The following DNAH1 variants were observed in gnomAD, a reference collection of about 807,000 sequenced individuals.
DNAH1 encodes the protein axonemal beta dynein heavy chain 1.
In DNAH1, 327 loss-of-function variants were observed where a neutral mutation model predicts 484.3. The ratio of observed to expected loss-of-function variants is 0.68; its 90% CI spans 0.62 to 0.74. The LOEUF (loss-of-function observed/expected upper bound fraction) is 0.74, where lower values mean the gene tolerates loss of function less well. DNAH1 is among the 30% of genes least tolerant of loss of function. The pLI is 0.00. For missense variants in DNAH1, 5,052 were observed against 5,546.8 expected, an observed-to-expected ratio of 0.91 and a Z score of 2.83; for synonymous variants, 2,192 against 2,191.9, an observed-to-expected ratio of 1.00 and a Z score of 0.00.
Position 52,399,599 on chromosome 3 carries a change from A to G in DNAH1, c.12496A>G (p.Ile4166Val). Residue 4166 changes from isoleucine (I) to valine (V), a missense_variant, in exon 77 of 78, where the codon ATC becomes GTC. Ile to Val is a conservative substitution (Grantham distance 29). Around this residue, in one of 4 missense-constraint regions of DNAH1, gnomAD observed 853 missense variants for 899.0 expected, o/e 0.95. Coordinates refer to ENST00000420323, the MANE Select transcript of DNAH1 (RefSeq NM_015512.5). ...LTQRPQVGCYIHGLFLEGARW... is the reference protein window; with the variant it reads ...LTQRPQVGCYVHGLFLEGARW... ...ACAAAGACCCCAAGTAGGGTGCTAT[A>G]TCCATGGATTATTCCTGGAAGGTGC... 1 of 1,613,950 alleles carries G rather than the reference A, an allele frequency of 6.2e-7. No individual in the cohort carries two copies. The highest frequency in any genetic ancestry group is 8.5e-7 in the Non-Finnish European group (1 of 1,179,870).
chr3:52,391,698 T>C, intron 63 of DNAH1, 95 bp downstream of exon 63: 1 of 1,442,822 alleles, frequency 6.9e-7, no homozygotes, highest in Non-Finnish European at 9.5e-7. Flanking sequence ...TCAGTGGGAC[T>C]TTCCCCCACT....
At position 52,372,950 on chromosome 3, in the gene DNAH1, T is replaced by TCAG; in HGVS notation, c.6882_6883insCAG (p.Asp2294_Asp2295insGln). On this transcript the variant is annotated inframe_insertion, in exon 44 of 78. Transcript: ENST00000420323. ...GGCGCAACTTTATCTTCTTCATCGATGACCTGAACATGCCGGCCCTGGAGA... is the reference window on the plus strand; with the variant it reads ...GGCGCAACTTTATCTTCTTCATCGATCAGGACCTGAACATGCCGGCCCTGGAGA... 6.2e-6 allele frequency: 10 copies of TCAG among 1,613,828 alleles called. No homozygotes were observed. Among genetic ancestry groups the TCAG allele is most frequent in the Non-Finnish European group, 8.5e-6 (10 of 1,179,844 alleles).
chr3:52,372,145 C>A, intron 42 of DNAH1, 59 bp downstream of exon 42: 1 of 1,609,582 alleles, frequency 6.2e-7, no homozygotes, highest in Non-Finnish European at 8.5e-7. Flanking sequence ...GGGGGTTGAC[C>A]AGCCTCCCAC....
rs751290836 is a variant in DNAH1 at position 52,361,811 on chromosome 3, C to CA, written c.4980+46dup. The CA allele has an allele frequency of 9.7e-6, 15 of 1,544,132 alleles. No homozygotes were observed. In the African/African-American group the frequency reaches 2.0e-4, roughly 21 times the overall value. ...CTTACTCCCTCAGATCTGCCATACT[C>CA]ACGCCGCCATACTGCTCCCCATTGC... On this transcript the variant is annotated intron_variant, in intron 30 of 77. Transcript: ENST00000420323. This position sits in a 1 kb window ranked among gnomAD's most constrained non-coding sequence, Gnocchi z 5.6.
At chr3:52,350,378 C>T (rs528608731) in intron 15 of DNAH1, 130 bp from the exon 16 acceptor site, 34 of 1,006,214 alleles carry the variant, frequency 3.4e-5, no homozygotes, top group Non-Finnish European at 4.7e-5. Flanking sequence ...GGGCCTCCTC[C>T]CCTGGCCCAG....
In DNAH1 at chr3:52,371,802, G is replaced by A. The variant is rs909089938; in HGVS notation, c.6526-144G>A. On this transcript the variant is annotated intron_variant, in intron 41 of 77. Transcript: ENST00000420323. ...GCAGGGCACAGGACTTTCCATTTCCGCCGGAAGCAGCCCTGCACCTGGACC... is the reference window on the plus strand; with the variant it reads ...GCAGGGCACAGGACTTTCCATTTCCACCGGAAGCAGCCCTGCACCTGGACC... 1.2e-5 allele frequency: 15 copies of A among 1,217,016 alleles called. 1 individual carries two copies. In the South Asian group the frequency reaches 1.8e-4, roughly 14 times the overall value. 75.4% of individuals were successfully genotyped at this position (1,217,016 alleles called of 1,614,324 possible).
chr3:52,328,632 C>T (rs763146073), intron 6 of DNAH1, among the ~76,000 whole-genome samples: 2 of 152,274 alleles, frequency 1.3e-5, no homozygotes, highest in Non-Finnish European at 1.5e-5. Flanking sequence ...AATAATCTGC[C>T]CAGGGAGTGC....
intron 60 of DNAH1, among the ~76,000 whole-genome samples, chr3:52,390,018 G>C (rs1299252741): frequency 6.6e-6 from 1 of 152,246 alleles, no homozygotes; most frequent in Non-Finnish European, 1.5e-5. Context: ...TACTCAGGAG[G>C]CTGAGGCAGG....
chr3:52,368,267 A>G lies in DNAH1; in HGVS notation c.5766-474A>G, dbSNP rs1703165527. On this transcript the variant is annotated intron_variant, in intron 36 of 77. Transcript: ENST00000420323. The surrounding 1 kb of genome is among the most constrained non-coding windows in gnomAD (Gnocchi z 4.4). ...CGTGCATATATGGGCACCTAGGAGAAGGTTCCGGAGCCTAAGGCTGGACCA... is the reference window on the plus strand; with the variant it reads ...CGTGCATATATGGGCACCTAGGAGAGGGTTCCGGAGCCTAAGGCTGGACCA... Among the ~76,000 whole-genome samples, 1 of 152,182 alleles carries G rather than the reference A, an allele frequency of 6.6e-6. No homozygotes were observed. The highest frequency in any genetic ancestry group is 2.4e-5 in the African/African-American group (1 of 41,442).
intron 8 of DNAH1, among the ~76,000 whole-genome samples, chr3:52,339,869 G>T (rs1578099138): frequency 6.6e-6 from 1 of 151,556 alleles, no homozygotes; most frequent in East Asian, 1.9e-4. Context: ...GTCCTCCAAG[G>T]TTTTTGTCCT....
At chr3:52,393,968 A>G (rs1281748677) in intron 66 of DNAH1, among the ~76,000 whole-genome samples, 1 of 152,274 alleles carries the variant, frequency 6.6e-6, no homozygotes, top group Non-Finnish European at 1.5e-5. Context: ...TCAAGGTTCA[A>G]GAAGGCCAAT....
At chr3:52,397,908 G>C in intron 74 of DNAH1, 31 bp downstream of exon 74, 2 of 1,578,550 alleles carry the variant, frequency 1.3e-6, no homozygotes, top group South Asian at 2.4e-5. Flanking sequence ...GGGCCCAAGG[G>C]CTGGACGGGC....
intron 50 of DNAH1, among the ~76,000 whole-genome samples, chr3:52,383,015 A>G (rs941501390): frequency 6.6e-6 from 1 of 152,230 alleles, no homozygotes; most frequent in African/African-American, 2.4e-5. Flanking sequence ...CAGGAAAGGG[A>G]GGATGCCATC....
upstream of DNAH1, among the ~76,000 whole-genome samples, chr3:52,315,895 A>G (rs1283617630): frequency 2.0e-5 from 3 of 152,166 alleles, no homozygotes; most frequent in Non-Finnish European, 4.4e-5. Context: ...TCCAGGGAGG[A>G]GGGAGGCAGT....
chr3:52,348,596 T>C (rs1702239380), intron 12 of DNAH1, among the ~76,000 whole-genome samples: 1 of 152,204 alleles, frequency 6.6e-6, no homozygotes, highest in Non-Finnish European at 1.5e-5. Flanking sequence ...TCTGCACCTT[T>C]TCTTGGTCCT....
rs771528071 is a variant in DNAH1 at position 52,388,570 on chromosome 3, G to A, written c.9324G>A (p.Lys3108=). ...CCAAGAAGGAGGAGCTGGAGCTGAA[G>A]TGTGAGCAGTGTGAGCAGCGGCTGG... The part of the protein sequence containing the change: ...CITKKEELEL[K]CEQCEQRLGR... The change falls in exon 58 of 78, where the codon AAG becomes AAA. Residue 3108 remains lysine, a synonymous_variant. Transcript: ENST00000420323. The A allele has an allele frequency of 1.2e-6, 2 of 1,612,306 alleles. No individual in the cohort carries two copies. The highest frequency in any genetic ancestry group is 1.3e-5 in the African/African-American group (1 of 74,924).
At position 52,396,939 on chromosome 3, in the gene DNAH1, C is replaced by T. The variant is rs1704660918; in HGVS notation, c.11682C>T (p.Ile3894=). ...CTGATGACTGGGACCGGCGCTGCAT[C>T]ATGAACATCTTGGAGGACTTCTACA... ...RVTDDWDRRC[I]MNILEDFYNP... The change falls in exon 73 of 78, where the codon ATC becomes ATT. Residue 3894 remains isoleucine, a synonymous_variant. Coordinates refer to ENST00000420323, the MANE Select transcript of DNAH1 (RefSeq NM_015512.5). The T allele has an allele frequency of 6.2e-7, 1 of 1,612,722 alleles. No homozygotes were observed. Among genetic ancestry groups the T allele is most frequent in the African/African-American group, 1.3e-5 (1 of 74,962 alleles).
rs1345084740 is a variant in DNAH1, at chr3:52,346,468, C to G, written c.1657-4C>G. Reference sequence around the variant, plus strand: ...CCATATGATGATGCCTGTGGCCACTCTAGGTGCAGATGTTCCTCAAGGACA... The same window carrying G: ...CCATATGATGATGCCTGTGGCCACTGTAGGTGCAGATGTTCCTCAAGGACA... On this transcript the variant is annotated splice_region_variant and splice_polypyrimidine_tract_variant and intron_variant, in intron 10 of 77. Transcript: ENST00000420323. The G allele has an allele frequency of 4.4e-6, 7 of 1,605,802 alleles. No homozygotes were observed. Among genetic ancestry groups the G allele is most frequent in the South Asian group, 3.3e-5 (3 of 89,852 alleles).
intron 6 of DNAH1, among the ~76,000 whole-genome samples, chr3:52,330,062 T>G (rs1245315269): frequency 6.6e-6 from 1 of 152,136 alleles, no homozygotes; most frequent in Non-Finnish European, 1.5e-5. Context: ...CGCCCACCTC[T>G]GCCTCCCAGA....
Sources: allele counts gnomAD v4.1 joint callset (sites outside exome capture counted in the v4.1 genomes callset), GRCh38; gene constraint gnomAD v4.1.1; regional missense constraint gnomAD v4.1.1; non-coding constraint Gnocchi (gnomAD v3.1); transcripts MANE v1.5; gene names NCBI Gene and HGNC (gene_info 2026-07-23, HGNC 2026-07-21).